MGMT: variants seen among roughly 807,000 people sequenced by gnomAD.
The protein encoded by MGMT is O-6-methylguanine-DNA methyltransferase.
A neutral mutation model predicts 15.9 loss-of-function variants in MGMT; 14 were observed. That is an observed-to-expected ratio of 0.88 (90% CI 0.58 to 1.37). MGMT has a LOEUF of 1.37. MGMT is among the 40% of genes most tolerant of loss of function. The probability of loss-of-function intolerance (pLI) is 0.00; values close to 1 mark genes in which losing one functional copy is unlikely to be tolerated. For synonymous variants in MGMT, 130 were observed against 118.2 expected, an observed-to-expected ratio of 1.10 and a Z score of -0.65; for missense variants, 282 against 268.1, an observed-to-expected ratio of 1.05 and a Z score of -0.36.
intron 2 of MGMT, among the ~76,000 whole-genome samples, chr10:129,677,879 G>A (rs1480659427): frequency 6.6e-6 from 1 of 152,154 alleles, no homozygotes; most frequent in Non-Finnish European, 1.5e-5. Flanking sequence ...CTGCCCTTCA[G>A]CTTTTTGATG....
At chr10:129,618,072 C>G (rs2133073456) in intron 2 of MGMT, among the ~76,000 whole-genome samples, 1 of 152,174 alleles carries the variant, frequency 6.6e-6, no homozygotes, top group East Asian at 1.9e-4. Flanking sequence ...TGAAATTTCT[C>G]AGAATGCCCA....
chr10:129,701,070 C>T (rs959804180), intron 2 of MGMT: 5 of 152,204 alleles, frequency 3.3e-5, no homozygotes, highest in Non-Finnish European at 5.9e-5. Context: ...TGTTGCTCAT[C>T]ACCTGAGCAT....
intron 3 of MGMT, among the ~76,000 whole-genome samples, chr10:129,745,716 G>A (rs111352116): frequency 4.1e-3 from 623 of 152,138 alleles, no homozygotes; most frequent in Non-Finnish European, 7.3e-3. Context: ...CAGTTATGTT[G>A]AACATCTTCT....
intron 2 of MGMT, among the ~76,000 whole-genome samples, chr10:129,677,603 CCCA>C (rs1847800158): frequency 6.6e-6 from 1 of 152,214 alleles, no homozygotes; most frequent in Non-Finnish European, 1.5e-5. Flanking sequence ...TGCCTCTGCC[CCCA>C]CCATGTCCCC....
intron 2 of MGMT, among the ~76,000 whole-genome samples, chr10:129,682,872 G>T (rs574233281): frequency 6.6e-6 from 1 of 152,140 alleles, no homozygotes; most frequent in Non-Finnish European, 1.5e-5. Context: ...TTTTTGAGAC[G>T]GAGTTTCACT....
At chr10:129,610,878 G>C (rs1846951672) in intron 2 of MGMT, among the ~76,000 whole-genome samples, 1 of 152,164 alleles carries the variant, frequency 6.6e-6, no homozygotes, top group African/African-American at 2.4e-5. Flanking sequence ...GCCCACTGCT[G>C]TATCCCTAGA....
intron 3 of MGMT, 121 bp from the exon 4 acceptor site, chr10:129,759,081 A>G: frequency 7.9e-7 from 1 of 1,266,484 alleles, no homozygotes; most frequent in Non-Finnish European, 1.1e-6. Flanking sequence ...GCCGTGTTTT[A>G]ATTGAGTATA....
intron 3 of MGMT, among the ~76,000 whole-genome samples, chr10:129,739,574 G>A (rs184087296): frequency 2.0e-5 from 3 of 152,244 alleles, no homozygotes; most frequent in Admixed American, 2.0e-4. Flanking sequence ...AGCCAAATCA[G>A]AACCAGGTCA....
intron 2 of MGMT, among the ~76,000 whole-genome samples, chr10:129,611,897 A>C (rs1846965515): frequency 6.6e-6 from 1 of 152,202 alleles, no homozygotes; most frequent in Admixed American, 6.5e-5. Context: ...GGAAAGAGTC[A>C]AACTCTGTAA....
intron 2 of MGMT, among the ~76,000 whole-genome samples, chr10:129,683,348 G>A (rs1393648648): frequency 1.3e-5 from 2 of 152,172 alleles, no homozygotes; most frequent in Non-Finnish European, 2.9e-5. Context: ...AAACTCTTAG[G>A]CTGGAAAAAT....
intron 2 of MGMT, among the ~76,000 whole-genome samples, chr10:129,676,059 G>A (rs1847781866): frequency 6.6e-6 from 1 of 152,186 alleles, no homozygotes; most frequent in Admixed American, 6.5e-5. Context: ...GGCTCCATTG[G>A]CTGAGCAGGG....
intron 2 of MGMT, among the ~76,000 whole-genome samples, chr10:129,670,304 T>C (rs1245430901): frequency 6.6e-6 from 1 of 152,188 alleles, no homozygotes; most frequent in Non-Finnish European, 1.5e-5. Flanking sequence ...CCACCACTTA[T>C]AACACATCTT....
At chr10:129,618,265 T>G (rs1271684697) in intron 2 of MGMT, among the ~76,000 whole-genome samples, 2 of 152,142 alleles carry the variant, frequency 1.3e-5, no homozygotes, top group Non-Finnish European at 2.9e-5. Context: ...GATCAAAGTT[T>G]AGAGTGCTGG....
chr10:129,636,523 A>T (rs1847266920), intron 2 of MGMT, among the ~76,000 whole-genome samples: 1 of 152,088 alleles, frequency 6.6e-6, no homozygotes, highest in African/African-American at 2.4e-5. Context: ...TTTACTTTTT[A>T]TTTCTTTGTC....
intron 1 of MGMT, among the ~76,000 whole-genome samples, chr10:129,472,947 C>T (rs1380519335): frequency 1.3e-5 from 2 of 152,216 alleles, no homozygotes; most frequent in Non-Finnish European, 2.9e-5. Flanking sequence ...TGTCTTTTCA[C>T]AGTAGACATT....
chr10:129,714,692 T>G (rs759887349), intron 3 of MGMT, among the ~76,000 whole-genome samples: 34 of 152,206 alleles, frequency 2.2e-4, no homozygotes, highest in Non-Finnish European at 5.0e-4. Flanking sequence ...TGCTGTGTGC[T>G]TTACCCTCTA....
chr10:129,568,627 AAAG>A (rs1412827544), intron 2 of MGMT, among the ~76,000 whole-genome samples: 4 of 152,184 alleles, frequency 2.6e-5, no homozygotes, highest in African/African-American at 7.2e-5. Flanking sequence ...AAGAGGAAAA[AAAG>A]GTAAAATATC....
intron 2 of MGMT, among the ~76,000 whole-genome samples, chr10:129,565,170 C>G (rs573778385): frequency 6.6e-6 from 1 of 152,088 alleles, no homozygotes; most frequent in Non-Finnish European, 1.5e-5. Context: ...GGGCCCGGCG[C>G]GAAAACAGCT....
intron 3 of MGMT, among the ~76,000 whole-genome samples, chr10:129,748,610 T>C (rs541578638): frequency 1.3e-5 from 2 of 152,286 alleles, no homozygotes; most frequent in South Asian, 2.1e-4. Flanking sequence ...GGGGGTGGTG[T>C]TGTTTCTAAG....
Sources: allele counts gnomAD v4.1 joint callset (sites outside exome capture counted in the v4.1 genomes callset), GRCh38; gene constraint gnomAD v4.1.1; transcripts MANE v1.5; gene names NCBI Gene and HGNC (gene_info 2026-07-23, HGNC 2026-07-21).